RPS6KC1: variants seen among roughly 807,000 people sequenced by gnomAD.
RPS6KC1 encodes inactive ribosomal protein S6 kinase delta-1.
Under a neutral mutation model 103.8 loss-of-function variants are expected in RPS6KC1, and 54 were observed. The observed-to-expected ratio is 0.52, with a 90% confidence interval of 0.42 to 0.65. The LOEUF (loss-of-function observed/expected upper bound fraction) is 0.65. Among genes scored for constraint, RPS6KC1 ranks in the 30% least tolerant of loss-of-function variants. The pLI is 0.00. For missense variants in RPS6KC1, 1,151 were observed against 1,253.8 expected, an observed-to-expected ratio of 0.92 and a Z score of 1.24; for synonymous variants, 439 against 438.7, an observed-to-expected ratio of 1.00 and a Z score of -0.01.
chr1:213,154,854 T>TGTGCTGA (rs1450363936), intron 6 of RPS6KC1, among the ~76,000 whole-genome samples: 1 of 152,222 alleles, frequency 6.6e-6, no homozygotes, highest in African/African-American at 2.4e-5. Flanking sequence ...CAATTGGTAA[T>TGTGCTGA]GTGCTGAGTC....
the RPS6KC1 span, among the ~76,000 whole-genome samples, chr1:213,615,784 C>T: frequency 6.6e-6 from 1 of 152,204 alleles, no homozygotes; most frequent in Non-Finnish European, 1.5e-5. Context: ...ACACCAAGTC[C>T]AGGGGGAGGC....
At chr1:213,320,780 T>C in the RPS6KC1 span, among the ~76,000 whole-genome samples, 2 of 152,202 alleles carry the variant, frequency 1.3e-5, no homozygotes, top group African/African-American at 2.4e-5. Context: ...ACCAACCCCA[T>C]CTGACCTCAG....
intron 12 of RPS6KC1, among the ~76,000 whole-genome samples, chr1:213,243,588 T>C (rs1457528972): frequency 6.6e-6 from 1 of 152,248 alleles, no homozygotes; most frequent in Non-Finnish European, 1.5e-5. Flanking sequence ...TTGACAATTA[T>C]AGGTAGCATA....
intron 1 of RPS6KC1, among the ~76,000 whole-genome samples, chr1:213,055,953 C>G (rs985311413): frequency 1.3e-5 from 2 of 152,058 alleles, no homozygotes; most frequent in Non-Finnish European, 2.9e-5. Context: ...CACCCAGGCT[C>G]GAGTGCAGTG....
chr1:213,214,705 A>G (rs2093612061), intron 8 of RPS6KC1, among the ~76,000 whole-genome samples: 2 of 152,180 alleles, frequency 1.3e-5, no homozygotes, highest in South Asian at 4.1e-4. Flanking sequence ...AGGCAGCAAC[A>G]TTGGCTGTTT....
chr1:213,057,771 T>TTTTTTC, intron 1 of RPS6KC1, among the ~76,000 whole-genome samples: 2 of 140,192 alleles, frequency 1.4e-5, no homozygotes, highest in African/African-American at 5.3e-5. Flanking sequence ...TTTTTTTTTT[T>TTTTTTC]TTTTTCCTTT....
intron 6 of RPS6KC1, among the ~76,000 whole-genome samples, chr1:213,150,729 G>A (rs1413986043): frequency 2.6e-5 from 4 of 152,184 alleles, no homozygotes; most frequent in East Asian, 1.9e-4. Context: ...ACACAGACAC[G>A]GCAACCATCC....
chr1:213,437,854 G>A, the RPS6KC1 span, among the ~76,000 whole-genome samples: 1 of 151,602 alleles, frequency 6.6e-6, no homozygotes, highest in Non-Finnish European at 1.5e-5. Context: ...TGAATTTAAA[G>A]CTTAAGTTTT....
chr1:213,308,453 C>A, the RPS6KC1 span, among the ~76,000 whole-genome samples: 1 of 151,888 alleles, frequency 6.6e-6, no homozygotes, highest in East Asian at 1.9e-4. Context: ...AGTCTAGGAA[C>A]AGGTTATACA....
At chr1:213,132,131 G>A (rs2085709752) in intron 6 of RPS6KC1, among the ~76,000 whole-genome samples, 1 of 152,172 alleles carries the variant, frequency 6.6e-6, no homozygotes, top group African/African-American at 2.4e-5. Flanking sequence ...GATTATGGTG[G>A]TGAATTATTT....
At chr1:213,858,238 C>CTT in the RPS6KC1 span, among the ~76,000 whole-genome samples, 1 of 152,150 alleles carries the variant, frequency 6.6e-6, no homozygotes, top group Non-Finnish European at 1.5e-5. Context: ...GTCATAACAA[C>CTT]TGTATGATTA....
At chr1:213,311,329 G>A in the RPS6KC1 span, among the ~76,000 whole-genome samples, 4 of 151,938 alleles carry the variant, frequency 2.6e-5, no homozygotes, top group South Asian at 2.1e-4. Flanking sequence ...TAGTAGAGAC[G>A]GGGTTTCACC....
intron 1 of RPS6KC1, among the ~76,000 whole-genome samples, chr1:213,067,234 G>A (rs775291739): frequency 2.0e-5 from 3 of 152,128 alleles, no homozygotes; most frequent in Admixed American, 6.6e-5. Context: ...TTACCGGTGC[G>A]GATCCTCAAC....
chr1:213,769,350 A>G, the RPS6KC1 span, among the ~76,000 whole-genome samples: 3 of 152,168 alleles, frequency 2.0e-5, no homozygotes, highest in South Asian at 2.1e-4. Flanking sequence ...ATTCGATAGT[A>G]TGGGAGGAGA....
the RPS6KC1 span, among the ~76,000 whole-genome samples, chr1:213,755,042 G>A: frequency 2.6e-5 from 4 of 152,106 alleles, no homozygotes; most frequent in Admixed American, 6.5e-5. Context: ...TCTAGGATTC[G>A]TTCCTTACAC....
At chr1:213,758,517 G>A in the RPS6KC1 span, among the ~76,000 whole-genome samples, 1 of 151,670 alleles carries the variant, frequency 6.6e-6, no homozygotes, top group Non-Finnish European at 1.5e-5. Flanking sequence ...GGCGGAAGTT[G>A]CAGTAAGCCG....
the RPS6KC1 span, among the ~76,000 whole-genome samples, chr1:213,661,555 A>C: frequency 3.2e-4 from 48 of 152,340 alleles, no homozygotes; most frequent in African/African-American, 1.1e-3. Flanking sequence ...ATCAGGAGGA[A>C]GTCAGAGGCG....
At chr1:213,807,785 C>G in the RPS6KC1 span, among the ~76,000 whole-genome samples, 1 of 152,244 alleles carries the variant, frequency 6.6e-6, no homozygotes, top group Non-Finnish European at 1.5e-5. Context: ...TCATCAAAGT[C>G]ATTCTCCATC....
the RPS6KC1 span, among the ~76,000 whole-genome samples, chr1:213,715,462 A>T: frequency 6.6e-6 from 1 of 152,172 alleles, no homozygotes; most frequent in African/African-American, 2.4e-5. Context: ...TCCTTGACTG[A>T]TGTGTCCAAA....
Sources: gnomAD v4.1 joint callset for allele counts (sites outside exome capture counted in the v4.1 genomes callset) on GRCh38, gnomAD v4.1.1 for gene constraint, MANE v1.5 for transcripts, NCBI Gene and HGNC (gene_info 2026-07-23, HGNC 2026-07-21) for gene names.